ANXA3: variants seen among roughly 807,000 people sequenced by gnomAD.
The protein encoded by ANXA3 is 35-alpha calcimedin.
ANXA3 carries 46 observed loss-of-function variants against 48.8 expected under a neutral mutation model. The ratio of observed to expected loss-of-function variants is 0.94; its 90% CI spans 0.74 to 1.21. The LOEUF is 1.21. ANXA3 is among the 50% of genes most tolerant of loss of function. The pLI is 0.00. For synonymous variants in ANXA3, 128 were observed against 134.7 expected (o/e 0.95, Z 0.35); for missense variants, 383 against 378.6 (o/e 1.01, Z -0.10).
chr4:78,601,529 GC>G lies in ANXA3; in HGVS notation c.752del (p.Pro251ArgfsTer4), dbSNP rs760201795. The stretch of plus-strand genomic sequence containing the variant: ...TTACAGTTAATTGTGTGAGGAACAC[GC>G]CGGCCTTTTTAGCCGAAAGACTGCA... ...LAIVNCVRNT[P>X]AFLAERLHRA... On this transcript the variant is annotated frameshift_variant, in exon 11 of 13. Transcript: ENST00000264908. LOFTEE classifies it high-confidence loss of function. 1 of 1,613,904 alleles carries G rather than the reference GC, an allele frequency of 6.2e-7. No individual in the cohort carries two copies. The highest frequency in any genetic ancestry group is 8.5e-7 in the Non-Finnish European group (1 of 1,179,844).
At chr4:78,597,720 C>G (rs552814579) in intron 10 of ANXA3, among the ~76,000 whole-genome samples, 56 of 152,126 alleles carry the variant, frequency 3.7e-4, no homozygotes, top group African/African-American at 1.3e-3. Context: ...TCAAGCAGTC[C>G]TCCCACCTCA....
chr4:78,588,317 T>G (rs949861743), intron 6 of ANXA3, among the ~76,000 whole-genome samples: 1 of 150,420 alleles, frequency 6.6e-6, no homozygotes, highest in Non-Finnish European at 1.5e-5. Flanking sequence ...CACTTGAGTC[T>G]AAGAGATTGA....
intron 12 of ANXA3, among the ~76,000 whole-genome samples, chr4:78,605,934 A>G (rs895281820): frequency 2.0e-5 from 3 of 152,248 alleles, no homozygotes; most frequent in Non-Finnish European, 4.4e-5. Context: ...ACACCTGCTC[A>G]GTAGCCTTCC....
At chr4:78,596,279 GTC>G (rs1395315553) in intron 9 of ANXA3, among the ~76,000 whole-genome samples, 4 of 152,232 alleles carry the variant, frequency 2.6e-5, no homozygotes, top group African/African-American at 9.6e-5. Context: ...CTGCAGGTGA[GTC>G]TCTGTTGACA....
intron 2 of ANXA3, among the ~76,000 whole-genome samples, chr4:78,563,752 TAAG>T (rs1396978285): frequency 1.3e-5 from 2 of 152,204 alleles, no homozygotes; most frequent in African/African-American, 4.8e-5. Context: ...AAGGGCCATT[TAAG>T]AAGATGTGGA....
chr4:78,585,994 C>A (rs1328742795), intron 5 of ANXA3, among the ~76,000 whole-genome samples: 1 of 152,158 alleles, frequency 6.6e-6, no homozygotes, highest in Non-Finnish European at 1.5e-5. Context: ...TCTTGAATGA[C>A]ACAGGCTTTT....
At chr4:78,578,403 G>T (rs2109935355) in intron 3 of ANXA3, among the ~76,000 whole-genome samples, 1 of 151,528 alleles carries the variant, frequency 6.6e-6, no homozygotes, top group South Asian at 2.1e-4. Context: ...GGGAGAGAGA[G>T]ATGTGGAAGA....
chr4:78,584,859 C>T (rs1723141151), intron 5 of ANXA3, among the ~76,000 whole-genome samples: 2 of 152,172 alleles, frequency 1.3e-5, no homozygotes, highest in South Asian at 4.1e-4. Context: ...CAGTGGTGGC[C>T]TGACCCCTAT....
At chr4:78,583,437 C>T (rs1221934456) in intron 5 of ANXA3, among the ~76,000 whole-genome samples, 1 of 151,722 alleles carries the variant, frequency 6.6e-6, no homozygotes, top group Non-Finnish European at 1.5e-5. Context: ...AACTGAGCAA[C>T]ATAGTGAGAA....
At chr4:78,595,542 T>C (rs1723403682) in intron 8 of ANXA3, 105 bp downstream of exon 8, 2 of 982,542 alleles carry the variant, frequency 2.0e-6, no homozygotes, top group South Asian at 3.5e-5. Flanking sequence ...GGACTTTTCT[T>C]TTTTTTTTTT....
Position 78,610,088 on chromosome 4 carries a change from CT to C in ANXA3, c.947del (p.Leu316Ter). On this transcript the variant is annotated frameshift_variant, in exon 13 of 13. Transcript: ENST00000264908. LOFTEE classifies it high-confidence loss of function. ...DTSGDYEITL[L>X]KICGGDD is the part of the protein sequence containing the mutation. ...CTTCTGGAGACTATGAAATCACACT[CT>C]TAAAAATCTGTGGTGGAGATGACTG... The C allele has an allele frequency of 6.2e-7, 1 of 1,611,288 alleles. No homozygotes were observed.
At chr4:78,579,142 C>G (rs1723023288) in intron 4 of ANXA3, 21 bp downstream of exon 4, 1 of 1,539,418 alleles carries the variant, frequency 6.5e-7, no homozygotes, top group Admixed American at 1.7e-5. Flanking sequence ...ATTAACATGA[C>G]AGGCAGTAAA....
intron 2 of ANXA3, among the ~76,000 whole-genome samples, chr4:78,566,488 C>CAAA (rs397777058): frequency 5.7e-5 from 8 of 141,470 alleles, no homozygotes; most frequent in South Asian, 2.2e-4. Context: ...CACTCAGCCA[C>CAAA]AAAAAAAAAA....
Position 78,586,339 on chromosome 4 carries a change from C to T in ANXA3, c.392C>T (p.Ala131Val), listed in dbSNP as rs554490436. The T allele has an allele frequency of 9.9e-6, 16 of 1,611,870 alleles. No individual in the cohort carries two copies. The South Asian group carries it at 1.5e-4, about 16-fold the overall frequency. Residue 131 changes from alanine to valine, a missense_variant, in exon 6 of 13, where the codon GCC becomes GTC. By Grantham distance (64) the Ala-to-Val change is moderately conservative (BLOSUM62 0). Coordinates refer to ENST00000264908, the MANE Select transcript of ANXA3 (RefSeq NM_005139.3). ...AGGCAAATGAAGGATATCTCTCAAG[C>T]CTATTATACAGGTGTCTTATTTTCT... is the stretch of plus-strand genomic sequence containing the variant. ...TSRQMKDISQ[A>V]YYTVYKKSLG...
chr4:78,608,138 G>T (rs1185553232), intron 12 of ANXA3, among the ~76,000 whole-genome samples: 3 of 152,090 alleles, frequency 2.0e-5, no homozygotes, highest in African/African-American at 7.2e-5. Context: ...GGGGTAGGGT[G>T]GGGGAAGACA....
At chr4:78,578,774 A>G (rs919663078) in intron 3 of ANXA3, among the ~76,000 whole-genome samples, 3 of 152,108 alleles carry the variant, frequency 2.0e-5, no homozygotes, top group Non-Finnish European at 4.4e-5. Flanking sequence ...AGAAAGGAGT[A>G]TTTAGACAAT....
intron 1 of ANXA3, chr4:78,552,108 G>T (rs981692303): frequency 1.3e-5 from 2 of 152,414 alleles, no homozygotes; most frequent in African/African-American, 4.8e-5. Context: ...CGTGCCATGG[G>T]TGGGTCACCC....
In ANXA3 at chr4:78,573,216, T is replaced by C. The variant is rs1722876425; in HGVS notation, c.52T>C (p.Phe18Leu). 6.2e-7 allele frequency: 1 copy of C among 1,613,764 alleles called. No individual in the cohort carries two copies. Among genetic ancestry groups the C allele is most frequent in the Non-Finnish European group, 8.5e-7 (1 of 1,179,782 alleles). ...AGGAACAGTAAGAGATTATCCAGAC[T>C]TTAGCCCATCAGTGGATGCTGAAGC... ...HRGTVRDYPDFSPSVDAEAIQ... is the reference protein window; with the variant it reads ...HRGTVRDYPDLSPSVDAEAIQ... The change falls in exon 3 of 13, where the codon TTT becomes CTT. Residue 18 changes from phenylalanine to leucine, a missense_variant. Coordinates refer to ENST00000264908, the MANE Select transcript of ANXA3 (RefSeq NM_005139.3).
At chr4:78,599,334 T>C (rs1422861627) in intron 10 of ANXA3, among the ~76,000 whole-genome samples, 1 of 152,202 alleles carries the variant, frequency 6.6e-6, no homozygotes, top group African/African-American at 2.4e-5. Context: ...ACTTTCTGTC[T>C]CTATAGATTT....
Sources: allele counts gnomAD v4.1 joint callset (sites outside exome capture counted in the v4.1 genomes callset), GRCh38; gene constraint gnomAD v4.1.1; transcripts MANE v1.5; gene names NCBI Gene and HGNC (gene_info 2026-07-23, HGNC 2026-07-21).